USP34: variants seen among roughly 807,000 people sequenced by gnomAD.
USP34 encodes ubiquitin carboxyl-terminal hydrolase 34.
Under a neutral mutation model 460.3 loss-of-function variants are expected in USP34, and 70 were observed. That is an observed-to-expected ratio of 0.15 (90% CI 0.13 to 0.19). The LOEUF (loss-of-function observed/expected upper bound fraction) is 0.19, where lower values mean the gene tolerates loss of function less well. Among genes scored for constraint, USP34 ranks in the 10% least tolerant of loss-of-function variants. The pLI is 1.00. For missense variants in USP34, 3,985 were observed against 4,236.2 expected, an observed-to-expected ratio of 0.94 and a Z score of 1.65; for synonymous variants, 1,647 against 1,405.3, an observed-to-expected ratio of 1.17 and a Z score of -3.85.
chr2:61,315,047 A>T, intron 23 of USP34, 73 bp from the exon 24 acceptor site: 1 of 1,176,520 alleles, frequency 8.5e-7, no homozygotes, highest in Non-Finnish European at 1.2e-6. Flanking sequence ...TGAAGTATCA[A>T]AAGTAAAAAT....
chr2:61,382,192 TA>T (rs1692993814), intron 6 of USP34, among the ~76,000 whole-genome samples: 1 of 152,078 alleles, frequency 6.6e-6, no homozygotes, highest in Non-Finnish European at 1.5e-5. Context: ...AAAAGCCAAA[TA>T]AAACTTTTAA....
At chr2:61,340,222 CTA>C (rs1342363478) in intron 16 of USP34, among the ~76,000 whole-genome samples, 6 of 151,912 alleles carry the variant, frequency 3.9e-5, no homozygotes, top group African/African-American at 7.3e-5. Context: ...AAACTTAACA[CTA>C]TTTTTATTGG....
In USP34 at chr2:61,470,696, T is replaced by C. The variant is rs1375806682; in HGVS notation, c.-4A>G. 6.3e-7 allele frequency: 1 copy of C among 1,590,118 alleles called. No individual in the cohort carries two copies. The highest frequency in any genetic ancestry group is 8.6e-7 in the Non-Finnish European group (1 of 1,168,608). On this transcript the variant is annotated 5_prime_UTR_variant, in exon 1 of 80. Transcript: ENST00000398571. ...GGTCTGCGCAGTTCTCGCACATCGT[T>C]CGGCCGCCGCCCCCCCCCTCCCCCG...
At position 61,228,638 on chromosome 2, in the gene USP34, T is replaced by C. The variant is rs1687798924; in HGVS notation, c.7443+7A>G. Reference sequence around the variant, plus strand: ...TAATACCTAATGTACGATAGAACTGTACTTACATTTTCAGGTCCTTTTGTT... The same window carrying C: ...TAATACCTAATGTACGATAGAACTGCACTTACATTTTCAGGTCCTTTTGTT... On this transcript the variant is annotated splice_region_variant and intron_variant, in intron 61 of 79. Transcript: ENST00000398571. 1 of 1,609,256 alleles carries C rather than the reference T, an allele frequency of 6.2e-7. No individual in the cohort carries two copies. The highest frequency in any genetic ancestry group is 8.5e-7 in the Non-Finnish European group (1 of 1,177,502).
intron 57 of USP34, among the ~76,000 whole-genome samples, chr2:61,234,214 G>A (rs1687998902): frequency 2.0e-5 from 3 of 152,144 alleles, no homozygotes; most frequent in African/African-American, 7.2e-5. Context: ...TTTCTATAAG[G>A]TATAATCAGA....
At chr2:61,202,665 G>A (rs140286830) in intron 75 of USP34, among the ~76,000 whole-genome samples, 1 of 152,000 alleles carries the variant, frequency 6.6e-6, no homozygotes, top group Non-Finnish European at 1.5e-5. Context: ...TATTTTATGA[G>A]ACTTACCTCC....
At chr2:61,267,331 G>A (rs1316685981) in intron 41 of USP34, among the ~76,000 whole-genome samples, 1 of 151,954 alleles carries the variant, frequency 6.6e-6, no homozygotes, top group Non-Finnish European at 1.5e-5. Context: ...TTTTTGAAAT[G>A]TTTTTCCATA....
chr2:61,453,821 A>AT (rs1283808951), intron 1 of USP34, among the ~76,000 whole-genome samples: 1 of 151,620 alleles, frequency 6.6e-6, no homozygotes, highest in Non-Finnish European at 1.5e-5. Flanking sequence ...ATATTTTCAT[A>AT]TTTTTTTAAA....
At chr2:61,262,417 T>C (rs1281476565) in intron 43 of USP34, among the ~76,000 whole-genome samples, 1 of 152,180 alleles carries the variant, frequency 6.6e-6, no homozygotes. Flanking sequence ...CTCCCACTTA[T>C]AAGTGAGAAC....
intron 1 of USP34, among the ~76,000 whole-genome samples, chr2:61,450,728 G>A (rs930625157): frequency 1.3e-5 from 2 of 151,854 alleles, no homozygotes; most frequent in African/African-American, 4.8e-5. Flanking sequence ...CCTACATAAA[G>A]GGGAAAAATA....
intron 20 of USP34, among the ~76,000 whole-genome samples, chr2:61,328,862 C>G (rs116343590): frequency 2.0e-5 from 3 of 152,208 alleles, no homozygotes; most frequent in African/African-American, 7.2e-5. Context: ...CTATGCCTCT[C>G]AAGTCCTGCT....
At chr2:61,304,139 C>G (rs956656103) in intron 27 of USP34, among the ~76,000 whole-genome samples, 4 of 152,096 alleles carry the variant, frequency 2.6e-5, no homozygotes, top group Non-Finnish European at 5.9e-5. Context: ...CGCAAATGAT[C>G]CGCCTGCCTT....
chr2:61,250,335 A>T (rs1044814855), intron 48 of USP34: 5 of 175,580 alleles, frequency 2.8e-5, no homozygotes, highest in African/African-American at 9.6e-5. Flanking sequence ...TAACCAGAAA[A>T]TATTCCCCCC....
In USP34 at chr2:61,296,691, C is replaced by A. The variant is rs551783036; in HGVS notation, c.4254+109G>T. ...TTTTTACCTACTATATGGGTAAAAACTATATTCAGATTTACTGAGGGTACA... is the reference window on the plus strand; with the variant it reads ...TTTTTACCTACTATATGGGTAAAAAATATATTCAGATTTACTGAGGGTACA... On this transcript the variant is annotated intron_variant, in intron 30 of 79. Coordinates refer to ENST00000398571, the MANE Select transcript of USP34 (RefSeq NM_014709.4). 10 of 1,193,666 alleles carry A rather than the reference C, an allele frequency of 8.4e-6. No individual in the cohort carries two copies. The South Asian group carries it at 1.7e-4, about 20-fold the overall frequency. 73.9% of individuals were successfully genotyped at this position (1,193,666 alleles called of 1,614,324 possible).
chr2:61,351,014 G>A (rs1691927634), intron 10 of USP34, among the ~76,000 whole-genome samples: 1 of 152,138 alleles, frequency 6.6e-6, no homozygotes, highest in Non-Finnish European at 1.5e-5. Flanking sequence ...CTTGAGCCCA[G>A]GAGTTTCAGA....
chr2:61,241,464 A>G (rs889186728), intron 53 of USP34, 96 bp downstream of exon 53: 12 of 800,484 alleles, frequency 1.5e-5, no homozygotes, highest in Admixed American at 9.9e-5. Context: ...AGAATTGCAG[A>G]TATCAACCTG....
chr2:61,445,579 G>C lies in USP34; in HGVS notation c.44-24746C>G, dbSNP rs377103149. 1.3e-4 allele frequency among the ~76,000 whole-genome samples: 19 copies of C among 149,984 alleles called. No individual in the cohort carries two copies. The South Asian group carries it at 3.2e-3, about 25-fold the overall frequency. On this transcript the variant is annotated intron_variant, in intron 1 of 79. Transcript: ENST00000398571. The stretch of plus-strand genomic sequence containing the variant: ...TGCTAAGAGAAAAATGATCCCGGAT[G>C]AAAGCCAAGAGACACAAAAAAGAAG...
chr2:61,334,005 A>G lies in USP34; in HGVS notation c.2745-34T>C, dbSNP rs1273585880. Reference sequence around the variant, plus strand: ...GCAGAAACATTCACAAAATAATTTTAGTAATTCTTTTTATAGAAATTCAGC... The same window carrying G: ...GCAGAAACATTCACAAAATAATTTTGGTAATTCTTTTTATAGAAATTCAGC... On this transcript the variant is annotated intron_variant, in intron 18 of 79. Coordinates refer to ENST00000398571, the MANE Select transcript of USP34 (RefSeq NM_014709.4). The G allele has an allele frequency of 2.1e-6, 3 of 1,449,586 alleles. No individual in the cohort carries two copies. The East Asian group carries it at 7.1e-5, about 34-fold the overall frequency. 89.8% of individuals were successfully genotyped at this position (1,449,586 alleles called of 1,614,324 possible).
chr2:61,214,776 G>A, intron 67 of USP34, 82 bp from the exon 68 acceptor site: 1 of 1,440,074 alleles, frequency 6.9e-7, no homozygotes, highest in South Asian at 1.4e-5. Flanking sequence ...CAAAGCCACT[G>A]TTCCCTTTAA....
Sources: allele counts gnomAD v4.1 joint callset (sites outside exome capture counted in the v4.1 genomes callset), GRCh38; gene constraint gnomAD v4.1.1; transcripts MANE v1.5; gene names NCBI Gene and HGNC (gene_info 2026-07-23, HGNC 2026-07-21).